SLX4IP: variants seen among roughly 807,000 people sequenced by gnomAD.
SLX4IP encodes the protein SLX4 interacting protein.
Under a neutral mutation model 32.9 loss-of-function variants are expected in SLX4IP, and 34 were observed. That is an observed-to-expected ratio of 1.03 (90% CI 0.79 to 1.38). The LOEUF (loss-of-function observed/expected upper bound fraction) is 1.38. SLX4IP is among the 40% of genes most tolerant of loss of function. SLX4IP has a pLI of 0.00. For synonymous variants in SLX4IP, 172 were observed against 171.7 expected, an observed-to-expected ratio of 1.00 and a Z score of -0.01; for missense variants, 444 against 479.0, an observed-to-expected ratio of 0.93 and a Z score of 0.68.
At chr20:10,577,662 C>T (rs539647244) in intron 4 of SLX4IP, among the ~76,000 whole-genome samples, 2 of 152,274 alleles carry the variant, frequency 1.3e-5, no homozygotes, top group African/African-American at 4.8e-5. Context: ...TCGAGGCTGC[C>T]GTGATCTATG....
chr20:10,569,908 A>C (rs1805723900), intron 4 of SLX4IP, among the ~76,000 whole-genome samples: 1 of 152,164 alleles, frequency 6.6e-6, no homozygotes, highest in African/African-American at 2.4e-5. Context: ...TAAAGACCTA[A>C]TCTCCAAATA....
At chr20:10,560,622 A>G (rs534129651) in intron 3 of SLX4IP, 78 bp from the exon 4 acceptor site, 2 of 1,084,038 alleles carry the variant, frequency 1.8e-6, no homozygotes, top group Admixed American at 3.5e-5. Flanking sequence ...TGAAATGTTC[A>G]TTGTTAACTT....
chr20:10,555,659 G>T (rs2066259097), intron 2 of SLX4IP, among the ~76,000 whole-genome samples: 1 of 152,120 alleles, frequency 6.6e-6, no homozygotes, highest in African/African-American at 2.4e-5. Flanking sequence ...GTACAGTTTT[G>T]TAGCATACTT....
At chr20:10,583,550 GGCAT>G (rs1296517737) in intron 4 of SLX4IP, among the ~76,000 whole-genome samples, 1 of 152,160 alleles carries the variant, frequency 6.6e-6, no homozygotes, top group African/African-American at 2.4e-5. Flanking sequence ...TCCGGATGGT[GGCAT>G]TAACCTGCCT....
intron 2 of SLX4IP, among the ~76,000 whole-genome samples, chr20:10,537,557 T>C (rs1016744274): frequency 4.6e-5 from 7 of 152,220 alleles, no homozygotes; most frequent in Non-Finnish European, 1.0e-4. Flanking sequence ...ACCATACTCG[T>C]TTGGATTATT....
At position 10,435,318 on chromosome 20, in the gene SLX4IP, T is replaced by G. The variant is rs994427333; in HGVS notation, c.-165T>G. 6.6e-5 allele frequency: 10 copies of G among 152,242 alleles called. No individual in the cohort carries two copies. Among genetic ancestry groups the G allele is most frequent in the African/African-American group, 2.2e-4 (9 of 41,450 alleles). The allele number at this position is 152,242 out of a possible 1,614,324, so 9.4% of individuals were successfully genotyped here. A position where few individuals can be genotyped will look rare whatever the true frequency, so the allele number is the denominator to read the frequency against. On this transcript the variant is annotated 5_prime_UTR_variant, in exon 1 of 8. Coordinates refer to ENST00000334534, the MANE Select transcript of SLX4IP (RefSeq NM_001009608.3). ...GGAAGTAAGCGCGAAAGTGCTTCCC[T>G]TAAGCTTCTGAAGGTTGGCTGCAGT...
At chr20:10,569,571 A>C (rs879843584) in intron 4 of SLX4IP, among the ~76,000 whole-genome samples, 1 of 152,162 alleles carries the variant, frequency 6.6e-6, no homozygotes, top group Admixed American at 6.5e-5. Context: ...ATTTGTTCTC[A>C]AAGTCTAAAG....
intron 3 of SLX4IP, among the ~76,000 whole-genome samples, chr20:10,557,154 T>G (rs2066275337): frequency 6.6e-6 from 1 of 152,218 alleles, no homozygotes; most frequent in Non-Finnish European, 1.5e-5. Context: ...AAAATCAGAT[T>G]TGTTAAAATA....
At chr20:10,470,147 A>G (rs1179919940) in intron 2 of SLX4IP, among the ~76,000 whole-genome samples, 1 of 152,210 alleles carries the variant, frequency 6.6e-6, no homozygotes, top group Non-Finnish European at 1.5e-5. Flanking sequence ...GGAGGGGGCC[A>G]GTCGAGTCTG....
At chr20:10,591,910 G>T (rs1385505096) in intron 4 of SLX4IP, among the ~76,000 whole-genome samples, 1 of 152,090 alleles carries the variant, frequency 6.6e-6, no homozygotes, top group Non-Finnish European at 1.5e-5. Flanking sequence ...ATCTCTGATG[G>T]GTCCCACAGA....
At chr20:10,521,121 C>G (rs1489600599) in intron 2 of SLX4IP, among the ~76,000 whole-genome samples, 1 of 152,220 alleles carries the variant, frequency 6.6e-6, no homozygotes, top group Non-Finnish European at 1.5e-5. Flanking sequence ...TTTCGTTTCT[C>G]TTTAATTCCC....
chr20:10,558,863 G>A (rs551934481), intron 3 of SLX4IP, among the ~76,000 whole-genome samples: 12 of 152,252 alleles, frequency 7.9e-5, no homozygotes, highest in African/African-American at 2.6e-4. Flanking sequence ...TGGTGTGGTC[G>A]GTTACTGGTG....
chr20:10,456,305 G>A (rs1246561506), intron 1 of SLX4IP, among the ~76,000 whole-genome samples: 1 of 152,054 alleles, frequency 6.6e-6, no homozygotes, highest in Non-Finnish European at 1.5e-5. Context: ...TGTTTTGATT[G>A]TTGTGATGTT....
intron 1 of SLX4IP, among the ~76,000 whole-genome samples, chr20:10,453,471 C>T (rs948158441): frequency 6.6e-6 from 1 of 152,128 alleles, no homozygotes; most frequent in Non-Finnish European, 1.5e-5. Context: ...CCTGTCTCAC[C>T]CTTCCTGTTT....
chr20:10,545,000 G>A (rs867976323), intron 2 of SLX4IP, among the ~76,000 whole-genome samples: 5 of 152,048 alleles, frequency 3.3e-5, no homozygotes, highest in Non-Finnish European at 5.9e-5. Flanking sequence ...TTAAAACACC[G>A]GATCCTGGGC....
chr20:10,507,311 A>G (rs899662068), intron 2 of SLX4IP, among the ~76,000 whole-genome samples: 2 of 152,152 alleles, frequency 1.3e-5, no homozygotes, highest in African/African-American at 2.4e-5. Flanking sequence ...GCAGAGGAAC[A>G]GCAGGGCCAA....
At chr20:10,550,926 G>A (rs2066212295) in intron 2 of SLX4IP, among the ~76,000 whole-genome samples, 1 of 152,186 alleles carries the variant, frequency 6.6e-6, no homozygotes, top group Non-Finnish European at 1.5e-5. Flanking sequence ...ACAGTGCCCA[G>A]CTGCTGCCCC....
intron 5 of SLX4IP, among the ~76,000 whole-genome samples, chr20:10,600,721 C>T (rs2066831165): frequency 6.6e-6 from 1 of 152,164 alleles, no homozygotes; most frequent in Admixed American, 6.5e-5. Context: ...CTTTACTCAC[C>T]TGATTCATAA....
intron 2 of SLX4IP, among the ~76,000 whole-genome samples, chr20:10,503,058 G>C (rs2065732552): frequency 6.6e-6 from 1 of 152,108 alleles, no homozygotes; most frequent in African/African-American, 2.4e-5. Flanking sequence ...GCCTTGTGCT[G>C]CCTTAGACAC....
Sources: gnomAD v4.1 joint callset for allele counts (sites outside exome capture counted in the v4.1 genomes callset) on GRCh38, gnomAD v4.1.1 for gene constraint, MANE v1.5 for transcripts, NCBI Gene and HGNC (gene_info 2026-07-23, HGNC 2026-07-21) for gene names.